KIAA0319L: variants seen among roughly 807,000 people sequenced by gnomAD.
KIAA0319L encodes KIAA0319 like.
In KIAA0319L, 55 loss-of-function variants were observed where a neutral mutation model predicts 120.1. That is an observed-to-expected ratio of 0.46 (90% CI 0.37 to 0.57). The LOEUF is 0.57. Ranked by LOEUF, KIAA0319L falls within the 20% of genes least tolerant of loss-of-function variation. The pLI, the probability that KIAA0319L is intolerant of heterozygous loss-of-function variation, is 0.00. For missense variants in KIAA0319L, 1,049 were observed against 1,255.3 expected (o/e 0.84, Z 2.48); for synonymous variants, 398 against 471.9 (o/e 0.84, Z 2.03).
rs747971840 is a variant in KIAA0319L, at chr1:35,450,399, T to C, written c.2173A>G (p.Ser725Gly). The C allele has an allele frequency of 5.6e-6, 9 of 1,614,114 alleles. No homozygotes were observed. In the South Asian group the frequency reaches 9.9e-5, roughly 18 times the overall value. Residue 725 changes from serine (S) to glycine (G), a missense_variant, in exon 14 of 21, where the codon AGC (serine) becomes GGC (glycine). Physicochemically the swap from Ser to Gly is moderately conservative, Grantham distance 56. Transcript: ENST00000325722. ...CCCTCATCTCGAGTCCAGAGGTAGC[T>C]GACTATTCCCTTGTCATCTGAGGAC... ...SKSSDDKGIV[S>G]YLWTRDEGSP...
At chr1:35,546,751 A>G (rs1186774830) in intron 2 of KIAA0319L, among the ~76,000 whole-genome samples, 1 of 152,176 alleles carries the variant, frequency 6.6e-6, no homozygotes, top group African/African-American at 2.4e-5. Context: ...CATTTCCTCC[A>G]TGAAGCTTTC....
intron 2 of KIAA0319L, among the ~76,000 whole-genome samples, chr1:35,535,475 T>C (rs891498203): frequency 1.3e-5 from 2 of 152,176 alleles, no homozygotes; most frequent in Non-Finnish European, 2.9e-5. Context: ...ATTCCTGCAT[T>C]TGAATCTCAA....
chr1:35,536,288 C>T (rs957417601), intron 2 of KIAA0319L, among the ~76,000 whole-genome samples: 1 of 152,204 alleles, frequency 6.6e-6, no homozygotes, highest in African/African-American at 2.4e-5. Flanking sequence ...TGTCTAAACT[C>T]TAAACTAGAA....
intron 2 of KIAA0319L, among the ~76,000 whole-genome samples, chr1:35,538,230 T>C (rs1037940689): frequency 6.6e-6 from 1 of 152,076 alleles, no homozygotes; most frequent in African/African-American, 2.4e-5. Flanking sequence ...ATCTATAGTA[T>C]ATATATAAAA....
At chr1:35,448,951 A>G (rs904077412) in intron 15 of KIAA0319L, among the ~76,000 whole-genome samples, 1 of 152,240 alleles carries the variant, frequency 6.6e-6, no homozygotes, top group Non-Finnish European at 1.5e-5. Flanking sequence ...TTACTTTTGA[A>G]TATGTCCTAA....
At chr1:35,537,052 TACTGTC>T (rs2148482760) in intron 2 of KIAA0319L, among the ~76,000 whole-genome samples, 1 of 152,312 alleles carries the variant, frequency 6.6e-6, no homozygotes, top group African/African-American at 2.4e-5. Context: ...CTCTATGTAA[TACTGTC>T]TTTGTACTTC....
At chr1:35,489,699 C>G (rs1415332477) in intron 3 of KIAA0319L, among the ~76,000 whole-genome samples, 2 of 150,844 alleles carry the variant, frequency 1.3e-5, no homozygotes, top group Non-Finnish European at 3.0e-5. Context: ...TGGAGTCTCA[C>G]TCTGTCACCC....
At chr1:35,521,645 A>G (rs1424591964) in intron 2 of KIAA0319L, among the ~76,000 whole-genome samples, 1 of 148,400 alleles carries the variant, frequency 6.7e-6, no homozygotes, top group African/African-American at 2.5e-5. Flanking sequence ...AAAAAATAAT[A>G]ATAATAAAAT....
rs557771050 is a variant in KIAA0319L at position 35,506,986 on chromosome 1, A to G, written c.292T>C (p.Phe98Leu). ...ACCQDSACHV[F>L]WWLEGMCIQA... ...ATGCACATCCCTTCTAGCCACCAAA[A>G]GACATGGCAGGCAGAGTCCTGGCAG... Residue 98 changes from phenylalanine (F) to leucine (L), a missense_variant, in exon 3 of 21, where the codon TTT (phenylalanine) becomes CTT (leucine). By Grantham distance (22) the Phe-to-Leu change is conservative. Transcript: ENST00000325722. This position sits in a 1 kb window ranked among gnomAD's most constrained non-coding sequence, Gnocchi z 4.0. The G allele has an allele frequency of 1.2e-6, 2 of 1,613,554 alleles. No homozygotes were observed. The highest frequency in any genetic ancestry group is 2.7e-5 in the African/African-American group (2 of 75,038).
intron 16 of KIAA0319L, among the ~76,000 whole-genome samples, chr1:35,446,060 C>A (rs1248781150): frequency 6.6e-6 from 1 of 152,176 alleles, no homozygotes; most frequent in African/African-American, 2.4e-5. Flanking sequence ...ACCTAGTGAG[C>A]CCTGACTGTA....
At chr1:35,550,326 C>CTAAATCCATG (rs1457447288) in intron 2 of KIAA0319L, among the ~76,000 whole-genome samples, 1 of 152,092 alleles carries the variant, frequency 6.6e-6, no homozygotes, top group Non-Finnish European at 1.5e-5. Flanking sequence ...TAAATAACAG[C>CTAAATCCATG]AGGAATCAAG....
intron 15 of KIAA0319L, among the ~76,000 whole-genome samples, 168 bp downstream of exon 15, chr1:35,449,699 T>C (rs1641906221): frequency 6.6e-6 from 1 of 152,208 alleles, no homozygotes; most frequent in African/African-American, 2.4e-5. Flanking sequence ...GGAGGTATTA[T>C]TGGAACAGAC....
chr1:35,474,092 T>TC (rs1480279596), intron 5 of KIAA0319L, among the ~76,000 whole-genome samples: 4 of 152,198 alleles, frequency 2.6e-5, no homozygotes, highest in African/African-American at 9.6e-5. Flanking sequence ...AGCTTTTTTT[T>TC]CCCCCAGGGA....
At chr1:35,542,728 C>G (rs984124547) in intron 2 of KIAA0319L, among the ~76,000 whole-genome samples, 18 of 152,218 alleles carry the variant, frequency 1.2e-4, no homozygotes, top group African/African-American at 3.9e-4. Context: ...CTGCCAGTTT[C>G]ACACAATGCC....
At chr1:35,513,436 G>A (rs964329978) in intron 2 of KIAA0319L, among the ~76,000 whole-genome samples, 1 of 151,478 alleles carries the variant, frequency 6.6e-6, no homozygotes, top group Non-Finnish European at 1.5e-5. Flanking sequence ...GCAACATAGC[G>A]AGACCTTGTC....
chr1:35,484,800 A>ATT (rs1185391638), intron 3 of KIAA0319L, among the ~76,000 whole-genome samples: 5 of 16,876 alleles, frequency 3.0e-4, no homozygotes, highest in African/African-American at 1.1e-3. Context: ...ATATATATAT[A>ATT]TATATATTTT....
chr1:35,554,319 A>C (rs1344111978), intron 2 of KIAA0319L, 31 bp downstream of exon 2: 3 of 1,504,658 alleles, frequency 2.0e-6, no homozygotes, highest in South Asian at 2.7e-5. Flanking sequence ...TTCTAAAAAA[A>C]AAAATCTTAA....
chr1:35,547,308 T>G (rs1197548716), intron 2 of KIAA0319L, among the ~76,000 whole-genome samples: 2 of 149,544 alleles, frequency 1.3e-5, no homozygotes, highest in African/African-American at 4.9e-5. Context: ...GGAGTGGAAT[T>G]ACATATATAC....
intron 9 of KIAA0319L, among the ~76,000 whole-genome samples, chr1:35,458,832 T>C (rs1020052106): frequency 6.6e-6 from 1 of 152,146 alleles, no homozygotes; most frequent in African/African-American, 2.4e-5. Context: ...AATTCCGACA[T>C]TAGAAATCTA....
Sources: allele counts gnomAD v4.1 joint callset (sites outside exome capture counted in the v4.1 genomes callset), GRCh38; gene constraint gnomAD v4.1.1; non-coding constraint Gnocchi (gnomAD v3.1); transcripts MANE v1.5; gene names NCBI Gene and HGNC (gene_info 2026-07-23, HGNC 2026-07-21).